Variants in CRISPLD1 observed in about 807,000 individuals in gnomAD.
CRISPLD1 encodes the protein cysteine rich secretory protein LCCL domain containing 1.
Under a neutral mutation model 77.5 loss-of-function variants are expected in CRISPLD1, and 60 were observed. That is an observed-to-expected ratio of 0.77 (90% CI 0.63 to 0.96). CRISPLD1 has a LOEUF of 0.96. Among genes scored for constraint, CRISPLD1 ranks in the 40% least tolerant of loss-of-function variants. The probability of loss-of-function intolerance (pLI) is 0.00; values close to 1 mark genes in which losing one functional copy is unlikely to be tolerated. For missense variants in CRISPLD1, 623 were observed against 615.8 expected (o/e 1.01, Z -0.12); for synonymous variants, 195 against 200.1 (o/e 0.97, Z 0.22).
chr8:74,986,291 A>G (rs1452524250), intron 2 of CRISPLD1, 46 bp downstream of exon 2: 2 of 1,555,808 alleles, frequency 1.3e-6, no homozygotes, highest in South Asian at 1.1e-5. Flanking sequence ...ATGTTTATTC[A>G]TGCTTTCAGT....
chr8:75,019,384 G>A (rs2128786844), intron 10 of CRISPLD1, among the ~76,000 whole-genome samples: 1 of 152,204 alleles, frequency 6.6e-6, no homozygotes, highest in South Asian at 2.1e-4. Context: ...ATGTGATGAG[G>A]AGAAGTTTAT....
chr8:75,008,870 A>T (rs1426177759), intron 2 of CRISPLD1, among the ~76,000 whole-genome samples: 1 of 152,202 alleles, frequency 6.6e-6, no homozygotes, highest in Non-Finnish European at 1.5e-5. Flanking sequence ...AAGAAAAATT[A>T]GCTTAAAGTA....
At chr8:75,022,964 T>G (rs1048939761) in intron 12 of CRISPLD1, among the ~76,000 whole-genome samples, 1 of 151,416 alleles carries the variant, frequency 6.6e-6, no homozygotes, top group African/African-American at 2.4e-5. Context: ...CAGTTTTACA[T>G]ATACCTACAA....
Position 74,986,296 on chromosome 8 carries a change from T to C in CRISPLD1, c.258+51T>C, listed in dbSNP as rs371972171. 17 of 1,538,002 alleles carry C rather than the reference T, an allele frequency of 1.1e-5. No homozygotes were observed. In the African/African-American group the frequency reaches 2.0e-4, roughly 19 times the overall value. Reference sequence around the variant, plus strand: ...TACAAAAGAAATGTTTATTCATGCTTTCAGTCAGCAGTCTTCATGCTGTTC... The same window carrying C: ...TACAAAAGAAATGTTTATTCATGCTCTCAGTCAGCAGTCTTCATGCTGTTC... On this transcript the variant is annotated intron_variant, in intron 2 of 14. Coordinates refer to ENST00000262207, the MANE Select transcript of CRISPLD1 (RefSeq NM_031461.6).
chr8:75,009,650 A>G (rs1459845206), intron 2 of CRISPLD1, among the ~76,000 whole-genome samples: 1 of 151,966 alleles, frequency 6.6e-6, no homozygotes, highest in Non-Finnish European at 1.5e-5. Flanking sequence ...CTCTGCAAGA[A>G]TCTGATTTCC....
chr8:75,003,810 C>G (rs1812785418), intron 2 of CRISPLD1, among the ~76,000 whole-genome samples: 1 of 152,046 alleles, frequency 6.6e-6, no homozygotes, highest in South Asian at 2.1e-4. Context: ...TGAGCTTAAT[C>G]AGTAGAAATT....
At chr8:74,987,655 T>C (rs559394398) in intron 2 of CRISPLD1, among the ~76,000 whole-genome samples, 53 of 152,348 alleles carry the variant, frequency 3.5e-4, no homozygotes, top group Admixed American at 1.4e-3. Flanking sequence ...GTATAGTGTT[T>C]GTCTAAAGTG....
At chr8:75,008,400 A>G (rs1345391835) in intron 2 of CRISPLD1, among the ~76,000 whole-genome samples, 2 of 152,182 alleles carry the variant, frequency 1.3e-5, no homozygotes, top group Non-Finnish European at 2.9e-5. Flanking sequence ...ACTAACCTAC[A>G]CTTAATGGGG....
At chr8:74,992,907 T>TTTG (rs202081331) in intron 2 of CRISPLD1, among the ~76,000 whole-genome samples, 2,545 of 141,754 alleles carry the variant, frequency 0.018, 82 homozygotes, top group African/African-American at 0.063. Flanking sequence ...AAATTATGGT[T>TTTG]TTTTTTTTTT....
intron 2 of CRISPLD1, among the ~76,000 whole-genome samples, chr8:75,010,862 A>ATATC (rs369113877): frequency 3.2e-4 from 49 of 152,104 alleles, no homozygotes; most frequent in African/African-American, 1.2e-3. Flanking sequence ...TTCAAGATTC[A>ATATC]TATCCTCAGA....
chr8:75,025,516 A>T (rs1563403112), intron 12 of CRISPLD1, 30 bp from the exon 13 acceptor site: 6 of 965,032 alleles, frequency 6.2e-6, no homozygotes, highest in Non-Finnish European at 7.2e-6. Flanking sequence ...CAGCTTACTT[A>T]ATATATATAT....
intron 5 of CRISPLD1, among the ~76,000 whole-genome samples, chr8:75,014,453 G>A (rs901077121): frequency 1.3e-5 from 2 of 152,010 alleles, no homozygotes; most frequent in Non-Finnish European, 2.9e-5. Flanking sequence ...CCATTTAAGG[G>A]ATTATGTTAA....
At chr8:75,014,176 G>A (rs1587018783) in intron 5 of CRISPLD1, 74 bp downstream of exon 5, 2 of 940,160 alleles carry the variant, frequency 2.1e-6, no homozygotes, top group East Asian at 2.5e-5. Flanking sequence ...GTTCCTGATT[G>A]TTCCCCATTT....
At chr8:74,998,748 A>G (rs1812686358) in intron 2 of CRISPLD1, among the ~76,000 whole-genome samples, 1 of 150,270 alleles carries the variant, frequency 6.7e-6, no homozygotes, top group African/African-American at 2.5e-5. Context: ...GAAGTTTACT[A>G]TATTATTTCA....
chr8:75,024,473 C>CAGG (rs1813198851), intron 12 of CRISPLD1, among the ~76,000 whole-genome samples: 1 of 152,036 alleles, frequency 6.6e-6, no homozygotes, highest in Admixed American at 6.6e-5. Flanking sequence ...TACAGGCACC[C>CAGG]AGGACCATGC....
chr8:75,006,510 AT>A (rs1054387844), intron 2 of CRISPLD1, among the ~76,000 whole-genome samples: 2 of 152,240 alleles, frequency 1.3e-5, no homozygotes, highest in African/African-American at 4.8e-5. Flanking sequence ...TTGTAGCTTC[AT>A]CCAGTTTGGT....
chr8:74,994,173 A>G (rs1240091598), intron 2 of CRISPLD1, among the ~76,000 whole-genome samples: 2 of 152,194 alleles, frequency 1.3e-5, no homozygotes, highest in Non-Finnish European at 2.9e-5. Context: ...AGACAAGGCA[A>G]TTGCAGTAAT....
intron 2 of CRISPLD1, among the ~76,000 whole-genome samples, chr8:75,011,270 C>G (rs1002097473): frequency 8.5e-6 from 1 of 117,596 alleles, no homozygotes; most frequent in Non-Finnish European, 1.7e-5. Flanking sequence ...TGCTATGCCT[C>G]CCCCCTCCCC....
intron 2 of CRISPLD1, among the ~76,000 whole-genome samples, chr8:75,000,677 C>T (rs1206640669): frequency 6.6e-6 from 1 of 152,084 alleles, no homozygotes; most frequent in African/African-American, 2.4e-5. Flanking sequence ...TCTCTGACTT[C>T]CATAGCCTCA....
Sources: gnomAD v4.1 joint callset for allele counts (sites outside exome capture counted in the v4.1 genomes callset) on GRCh38, gnomAD v4.1.1 for gene constraint, MANE v1.5 for transcripts, NCBI Gene and HGNC (gene_info 2026-07-23, HGNC 2026-07-21) for gene names.